NDE1: variants seen among roughly 807,000 people sequenced by gnomAD.
NDE1 encodes nuclear distribution protein nudE homolog 1.
Under a neutral mutation model 43.4 loss-of-function variants are expected in NDE1, and 28 were observed. The ratio of observed to expected loss-of-function variants is 0.65; its 90% CI spans 0.48 to 0.89. The LOEUF (loss-of-function observed/expected upper bound fraction) is 0.89. NDE1 is among the 40% of genes least tolerant of loss of function. NDE1 has a pLI of 0.00. For missense variants in NDE1, 441 were observed against 434.1 expected (o/e 1.02, Z -0.14); for synonymous variants, 184 against 172.0 (o/e 1.07, Z -0.55).
Position 15,714,940 on chromosome 16 carries a change from G to A in NDE1, c.948-9251G>A, listed in dbSNP as rs750085824. 3.1e-6 allele frequency: 5 copies of A among 1,613,908 alleles called. No individual in the cohort carries two copies. The highest frequency in any genetic ancestry group is 1.6e-4 in the Middle Eastern group (1 of 6,068). Reference sequence around the variant, plus strand: ...TTGCTCTTGAGTGCGTTCACCTCGCGGCCCATGGCCTCGTTGCTCTCCGTG... The same window carrying A: ...TTGCTCTTGAGTGCGTTCACCTCGCAGCCCATGGCCTCGTTGCTCTCCGTG... On this transcript the variant is annotated intron_variant, in intron 8 of 8. Coordinates refer to ENST00000396354, the MANE Select transcript of NDE1 (RefSeq NM_017668.3).
At chr16:15,690,901 A>G (rs1363756105) in intron 5 of NDE1, among the ~76,000 whole-genome samples, 2 of 152,126 alleles carry the variant, frequency 1.3e-5, no homozygotes, top group Admixed American at 1.3e-4. Context: ...CTGGCCTCCC[A>G]GGTTCAAATG....
intron 1 of NDE1, among the ~76,000 whole-genome samples, chr16:15,659,551 C>T (rs1317195884): frequency 6.7e-6 from 1 of 150,006 alleles, no homozygotes; most frequent in African/African-American, 2.5e-5. Context: ...ATTCTCCCGC[C>T]TCAGCCTCCC....
At chr16:15,720,352 C>T (rs1372502912) in intron 8 of NDE1, 27 of 1,596,448 alleles carry the variant, frequency 1.7e-5, no homozygotes, top group Non-Finnish European at 2.3e-5. Flanking sequence ...CCACTTGCCC[C>T]TGGGAGGTCC....
At chr16:15,684,870 C>G (rs1042934980) in intron 4 of NDE1, among the ~76,000 whole-genome samples, 3 of 152,178 alleles carry the variant, frequency 2.0e-5, no homozygotes, top group African/African-American at 7.2e-5. Flanking sequence ...CAGTAGCATA[C>G]TATTCTTCAT....
chr16:15,697,372 C>G (rs116783531), intron 8 of NDE1, among the ~76,000 whole-genome samples: 1 of 152,100 alleles, frequency 6.6e-6, no homozygotes, highest in Admixed American at 6.6e-5. Context: ...TTTGATTCTA[C>G]AGCTGCTACT....
chr16:15,695,055 C>G (rs2038943721), intron 7 of NDE1: 3 of 281,536 alleles, frequency 1.1e-5, no homozygotes, highest in Non-Finnish European at 1.6e-5. Flanking sequence ...TGATGGTGTA[C>G]ACTGGTGGTC....
At chr16:15,680,030 C>T (rs35916453) in intron 4 of NDE1, among the ~76,000 whole-genome samples, 1,539 of 152,282 alleles carry the variant, frequency 0.01, 17 homozygotes, top group South Asian at 0.026. Context: ...CTGCCTGCCT[C>T]GGTCTCCGAA....
At chr16:15,643,582 CCT>C (rs1434751352) in exon 1 of NDE1, 5 of 304,620 alleles carry the variant, frequency 1.6e-5, no homozygotes, top group Non-Finnish European at 3.1e-5. Context: ...TTTTTTTTTT[CCT>C]CTCTCGGGTC....
rs1018465031 is a variant in NDE1 at position 15,650,250 on chromosome 16, C to A, written c.-88C>A. On this transcript the variant is annotated 5_prime_UTR_variant, in exon 1 of 9. Transcript: ENST00000396354. ...CCGGGGCCGCACCGCCCTTCGCAGC[C>A]GCCTCTGCCGCCGCCGCCGCGTTGG... is the stretch of plus-strand genomic sequence containing the variant. The A allele has an allele frequency of 1.3e-5, 4 of 297,190 alleles. No homozygotes were observed. Among genetic ancestry groups the A allele is most frequent in the South Asian group, 5.1e-5 (2 of 39,236 alleles). 18.4% of individuals were successfully genotyped at this position (297,190 alleles called of 1,614,324 possible).
intron 8 of NDE1, among the ~76,000 whole-genome samples, chr16:15,709,154 C>CTTG (rs932667317): frequency 1.3e-5 from 2 of 151,386 alleles, no homozygotes; most frequent in South Asian, 4.2e-4. Context: ...GTTGGTCAGG[C>CTTG]TTGTCTCCAA....
rs191307277 is a variant in NDE1, at chr16:15,700,017, C to G, written c.947+3157C>G. 2,345 of 1,186,606 alleles carry G rather than the reference C, an allele frequency of 2.0e-3. 3 individuals are homozygous for G. The highest frequency in any genetic ancestry group is 2.2e-3 in the African/African-American group (136 of 62,478). 73.5% of individuals were successfully genotyped at this position (1,186,606 alleles called of 1,614,324 possible). A position where few individuals can be genotyped will look rare whatever the true frequency, so the allele number is the denominator to read the frequency against. On this transcript the variant is annotated intron_variant, in intron 8 of 8. Transcript: ENST00000396354. ...GGTTTGTCCCTGGGAAATGTCTTTT[C>G]ATCCTTACCTGCCACCGTGTGCATT...
intron 8 of NDE1, chr16:15,699,746 A>G: frequency 7.4e-7 from 1 of 1,351,126 alleles, no homozygotes; most frequent in South Asian, 1.1e-5. Flanking sequence ...AAGCGCCTGG[A>G]ATTTGGGAAG....
chr16:15,677,745 G>T, intron 3 of NDE1, 56 bp from the exon 4 acceptor site: 5 of 1,605,916 alleles, frequency 3.1e-6, no homozygotes, highest in Non-Finnish European at 4.3e-6. Context: ...GTGCTACTGT[G>T]TCTAGCCTTC....
At chr16:15,670,684 A>C (rs976526386) in intron 3 of NDE1, among the ~76,000 whole-genome samples, 1 of 150,606 alleles carries the variant, frequency 6.6e-6, no homozygotes, top group African/African-American at 2.5e-5. Context: ...AAAGAAAAAG[A>C]AAGGACTGCA....
At chr16:15,678,092 C>T in intron 4 of NDE1, 143 bp downstream of exon 4, 2 of 1,073,134 alleles carry the variant, frequency 1.9e-6, no homozygotes, top group Middle Eastern at 5.8e-4. Context: ...ATTTTAGTGC[C>T]CGGGGGGAAA....
rs760908992 is a variant in NDE1, at chr16:15,719,615, G to C, written c.948-4576G>C. The C allele has an allele frequency of 1.2e-5, 20 of 1,614,074 alleles. No homozygotes were observed. The highest frequency in any genetic ancestry group is 1.6e-5 in the Non-Finnish European group (19 of 1,180,052). On this transcript the variant is annotated intron_variant, in intron 8 of 8. Transcript: ENST00000396354. ...GTAGCTGCATGAGGTCTGCTTCCAAGCTCTTGGCTTTCTTCTCATTCTCTT... is the reference window on the plus strand; with the variant it reads ...GTAGCTGCATGAGGTCTGCTTCCAACCTCTTGGCTTTCTTCTCATTCTCTT...
chr16:15,683,281 T>C (rs559926869), intron 4 of NDE1: 8 of 152,314 alleles, frequency 5.3e-5, no homozygotes, highest in African/African-American at 1.7e-4. Context: ...TAACTGCACA[T>C]GAAATTAACA....
chr16:15,709,870 G>A (rs891473729), intron 8 of NDE1, among the ~76,000 whole-genome samples: 15 of 152,166 alleles, frequency 9.9e-5, no homozygotes, highest in African/African-American at 3.6e-4. Flanking sequence ...GCCTTGTACA[G>A]CTCTTGCCGG....
intron 1 of NDE1, among the ~76,000 whole-genome samples, chr16:15,655,959 T>C (rs1254870321): frequency 8.0e-6 from 1 of 125,532 alleles, no homozygotes. Context: ...AAGGGGAACA[T>C]CACACTCTGG....
Sources: gnomAD v4.1 joint callset for allele counts (sites outside exome capture counted in the v4.1 genomes callset) on GRCh38, gnomAD v4.1.1 for gene constraint, MANE v1.5 for transcripts, NCBI Gene and HGNC (gene_info 2026-07-23, HGNC 2026-07-21) for gene names.